ROBO3: variants seen among roughly 807,000 people sequenced by gnomAD.
The protein encoded by ROBO3 is roundabout guidance receptor 3.
A neutral mutation model predicts 160.5 loss-of-function variants in ROBO3; 97 were observed. The ratio of observed to expected loss-of-function variants is 0.60; its 90% CI spans 0.51 to 0.72. The LOEUF (loss-of-function observed/expected upper bound fraction) is 0.72, where lower values mean the gene tolerates loss of function less well. Among genes scored for constraint, ROBO3 ranks in the 30% least tolerant of loss-of-function variants. The pLI is 0.00. For missense variants in ROBO3, 1,858 were observed against 1,846.5 expected, an observed-to-expected ratio of 1.01 and a Z score of -0.11; for synonymous variants, 780 against 746.2, an observed-to-expected ratio of 1.05 and a Z score of -0.74.
At position 124,877,201 on chromosome 11, in the gene ROBO3, C is replaced by A. The variant is rs1327272159; in HGVS notation, c.2803+17C>A. The A allele has an allele frequency of 6.2e-7, 1 of 1,613,960 alleles. No homozygotes were observed. The highest frequency in any genetic ancestry group is 1.7e-5 in the Admixed American group (1 of 60,026). On this transcript the variant is annotated intron_variant, in intron 18 of 27. Transcript: ENST00000397801. ...CACCGGCAGGTAAGCCATCTCTGCC[C>A]CAGTGGGGTTCAGACCCCCCGGGAC...
chr11:124,869,864 C>A lies in ROBO3; in HGVS notation c.646-84C>A. 6.8e-7 allele frequency: 1 copy of A among 1,475,980 alleles called. No individual in the cohort carries two copies. The highest frequency in any genetic ancestry group is 9.3e-7 in the Non-Finnish European group (1 of 1,079,588). 91.4% of individuals were successfully genotyped at this position (1,475,980 alleles called of 1,614,324 possible). ...CTGTGAGGATCAAATAAACTTTATA[C>A]ATATGTATATACACATATATTCACC... On this transcript the variant is annotated intron_variant, in intron 3 of 27. Coordinates refer to ENST00000397801, the MANE Select transcript of ROBO3 (RefSeq NM_022370.4). This position sits in a 1 kb window ranked among gnomAD's most constrained non-coding sequence, Gnocchi z 4.2.
chr11:124,870,696 G>A lies in ROBO3; in HGVS notation c.1001G>A (p.Arg334His), dbSNP rs373820994. 57 of 1,612,342 alleles carry A rather than the reference G, an allele frequency of 3.5e-5. No individual in the cohort carries two copies. Among genetic ancestry groups the A allele is most frequent in the South Asian group, 2.1e-4 (19 of 90,514 alleles). ...TGTGTGGCGGAGAACAGTGTGGGCC[G>A]CGCTGAAGCATCTGGCTCCCTCAGT... ...YTCVAENSVG[R>H]AEASGSLSVH... Residue 334 changes from arginine to histidine, a missense_variant, in exon 6 of 28, where the codon CGC becomes CAC. Arg to His is a conservative substitution (Grantham distance 29, BLOSUM62 0). Transcript: ENST00000397801.
In ROBO3 at chr11:124,876,700, GAGGAGGCC is replaced by G. The variant is rs1946385811; in HGVS notation, c.2779+244_2779+251del. The stretch of plus-strand genomic sequence containing the variant: ...ATGACGTTTGCCTCTAAGACGCCAC[GAGGAGGCC>G]AGGCTTTGCAACCATCTCCATAAAG... On this transcript the variant is annotated intron_variant, in intron 17 of 27. Coordinates refer to ENST00000397801, the MANE Select transcript of ROBO3 (RefSeq NM_022370.4). This position sits in a 1 kb window ranked among gnomAD's most constrained non-coding sequence, Gnocchi z 5.3. 2.4e-6 allele frequency: 1 copy of G among 419,084 alleles called. No homozygotes were observed. Among genetic ancestry groups the G allele is most frequent in the Non-Finnish European group, 4.2e-6 (1 of 238,186 alleles). 26.0% of individuals were successfully genotyped at this position (419,084 alleles called of 1,614,324 possible).
Position 124,876,579 on chromosome 11 carries a change from G to C in ROBO3, c.2779+119G>C. 1 of 848,616 alleles carries C rather than the reference G, an allele frequency of 1.2e-6. No individual in the cohort carries two copies. The highest frequency in any genetic ancestry group is 1.6e-6 in the Non-Finnish European group (1 of 609,664). The allele number at this position is 848,616 out of a possible 1,614,324, so 52.6% of individuals were successfully genotyped here. A position where few individuals can be genotyped will look rare whatever the true frequency, so the allele number is the denominator to read the frequency against. ...GGTCGGGAGAAAGGGGTCGCACCTG[G>C]AGTTCAGCCTCTTGGGTAGGGGCGG... On this transcript the variant is annotated intron_variant, in intron 17 of 27. Transcript: ENST00000397801. The surrounding 1 kb of genome is among the most constrained non-coding windows in gnomAD (Gnocchi z 5.3).
In ROBO3 at chr11:124,867,436, C is replaced by T. The variant is rs144755423; in HGVS notation, c.161-1366C>T. Among the ~76,000 whole-genome samples the T allele has an allele frequency of 2.7e-3, 407 of 152,308 alleles. 4 individuals are homozygous for T. The highest frequency in any genetic ancestry group is 2.3e-3 in the Non-Finnish European group (159 of 68,028). ...AGCGTCAAAGTCTGAGATTCCAGCC[C>T]TGGTTGGTTCAACAGCAACACTTGC... On this transcript the variant is annotated intron_variant, in intron 1 of 27. Transcript: ENST00000397801.
chr11:124,880,779 C>G (rs945645505), intron 27 of ROBO3, among the ~76,000 whole-genome samples, 171 bp downstream of exon 27: 1 of 152,094 alleles, frequency 6.6e-6, no homozygotes, highest in South Asian at 2.1e-4. Flanking sequence ...GGGGACTGAG[C>G]GTGGTGGCTC....
Position 124,879,887 on chromosome 11 carries a change from T to G in ROBO3, c.3897T>G (p.Ser1299Arg). The change falls in exon 26 of 28, where the codon AGT becomes AGG. Residue 1299 changes from serine (S) to arginine (R), a missense_variant. Ser to Arg is a moderately radical substitution (Grantham distance 110, BLOSUM62 -1). Coordinates refer to ENST00000397801, the MANE Select transcript of ROBO3 (RefSeq NM_022370.4). ...TGTCCTCCCTGGAGCGGGAGCGCAG[T>G]GGGGAGAGGAAAGCGGTCCAGGCCG... Reference protein sequence around the residue: ...GSMSSLERERSGERKAVQAVP... With the variant: ...GSMSSLERERRGERKAVQAVP... The G allele has an allele frequency of 6.2e-7, 1 of 1,611,812 alleles. No homozygotes were observed. The highest frequency in any genetic ancestry group is 8.5e-7 in the Non-Finnish European group (1 of 1,179,264).
rs760844386 is a variant in ROBO3, at chr11:124,877,256, A to G, written c.2804-11A>G. 6.8e-6 allele frequency: 11 copies of G among 1,613,084 alleles called. No individual in the cohort carries two copies. The African/African-American group carries it at 1.1e-4, about 16-fold the overall frequency. ...CCTTCTCTCACTCATTCGCCCCCTC[A>G]TTTTCCCCAGTGTCCTTCCCGCACT... On this transcript the variant is annotated splice_polypyrimidine_tract_variant and intron_variant, in intron 18 of 27. Coordinates refer to ENST00000397801, the MANE Select transcript of ROBO3 (RefSeq NM_022370.4).
At position 124,878,465 on chromosome 11, in the gene ROBO3, C is replaced by T; in HGVS notation, c.3320+29C>T. On this transcript the variant is annotated intron_variant, in intron 22 of 27. Transcript: ENST00000397801. This position sits in a 1 kb window ranked among gnomAD's most constrained non-coding sequence, Gnocchi z 4.3. ...GAGATGCTCCCTGCTTCCAGGCCCACACACCTGCGGCCAGACCATGGGCTG... is the reference window on the plus strand; with the variant it reads ...GAGATGCTCCCTGCTTCCAGGCCCATACACCTGCGGCCAGACCATGGGCTG... The T allele has an allele frequency of 1.9e-6, 3 of 1,609,238 alleles. No individual in the cohort carries two copies. Among genetic ancestry groups the T allele is most frequent in the Non-Finnish European group, 2.5e-6 (3 of 1,176,984 alleles).
Position 124,874,214 on chromosome 11 carries a change from C to T in ROBO3, c.1929C>T (p.Val643=), listed in dbSNP as rs772898194. 6.2e-7 allele frequency: 1 copy of T among 1,613,842 alleles called. No individual in the cohort carries two copies. The highest frequency in any genetic ancestry group is 8.5e-7 in the Non-Finnish European group (1 of 1,179,814). ...GAWGLSEPSP[V]SEPVRTQDSS... ...GGGGCCTCAGTGAGCCCAGCCCCGT[C>T]TCTGAGCCTGTCCGTACACAGGGTA... is the stretch of plus-strand genomic sequence containing the variant. Residue 643 remains valine (V), a synonymous_variant, in exon 12 of 28, where the codon GTC becomes GTT. Transcript: ENST00000397801.
At position 124,874,113 on chromosome 11, in the gene ROBO3, C is replaced by T; in HGVS notation, c.1828C>T (p.Gln610Ter). ...ATGGCGTACTGTGGCAGATGGCGTG[C>T]AGCTGGAGACACACACAGTCAGCGG... ...NTWRTVADGV[Q>*]LETHTVSGLQ... Residue 610 changes from glutamine to a stop codon, truncating the protein, a stop_gained, in exon 12 of 28, where the codon CAG becomes TAG. Transcript: ENST00000397801. LOFTEE classifies it high-confidence loss of function. 2 of 1,613,982 alleles carry T rather than the reference C, an allele frequency of 1.2e-6. No individual in the cohort carries two copies. The highest frequency in any genetic ancestry group is 1.7e-6 in the Non-Finnish European group (2 of 1,179,888).
intron 13 of ROBO3, 94 bp from the exon 14 acceptor site, chr11:124,875,017 G>A (rs2135332623): frequency 6.6e-7 from 1 of 1,513,088 alleles, no homozygotes; most frequent in Non-Finnish European, 8.9e-7. Context: ...GGGGAAGGCG[G>A]CATGAGTGGG....
Position 124,870,892 on chromosome 11 carries a change from G to A in ROBO3, c.1034-122G>A, listed in dbSNP as rs1332776475. ...AGGAGAACACTAAACAGGCCGGGAGGAAGAGATGGATATCTGCTCCTGTAC... is the reference window on the plus strand; with the variant it reads ...AGGAGAACACTAAACAGGCCGGGAGAAAGAGATGGATATCTGCTCCTGTAC... On this transcript the variant is annotated intron_variant, in intron 6 of 27. Coordinates refer to ENST00000397801, the MANE Select transcript of ROBO3 (RefSeq NM_022370.4). 5 of 1,518,408 alleles carry A rather than the reference G, an allele frequency of 3.3e-6. No individual in the cohort carries two copies. In the African/African-American group the frequency reaches 6.9e-5, roughly 21 times the overall value. The allele number at this position is 1,518,408 out of a possible 1,614,324, so 94.1% of individuals were successfully genotyped here.
rs1476178283 is a variant in ROBO3, at chr11:124,880,586, G to T, written c.4127G>T (p.Arg1376Met). ...SRSQSRSQSQ[R>M]PGQKRREEPR ...AGTCAGAGCCGGAGCCAGAGCCAAA[G>T]GCCAGGACAGAAACGCCGAGAGGTA... Residue 1376 changes from arginine to methionine, a missense_variant, in exon 27 of 28, where the codon AGG (arginine) becomes ATG (methionine). Arg to Met is a moderately conservative substitution (Grantham distance 91). Transcript: ENST00000397801. 1.3e-6 allele frequency: 2 copies of T among 1,549,696 alleles called. No individual in the cohort carries two copies. The highest frequency in any genetic ancestry group is 1.7e-6 in the Non-Finnish European group (2 of 1,146,616).
intron 1 of ROBO3, among the ~76,000 whole-genome samples, chr11:124,866,742 A>AG (rs1946202169): frequency 6.6e-6 from 1 of 152,246 alleles, no homozygotes; most frequent in Admixed American, 6.5e-5. Flanking sequence ...GGAAGGGTAG[A>AG]GGGGGAAATT....
At chr11:124,874,367 G>C (rs889263280) in intron 12 of ROBO3, 131 bp downstream of exon 12, 1 of 820,936 alleles carries the variant, frequency 1.2e-6, no homozygotes, top group Non-Finnish European at 1.8e-6. Flanking sequence ...CTGGTGGCCC[G>C]GCCTGGAATA....
Position 124,877,979 on chromosome 11 carries a change from C to T in ROBO3, c.3029C>T (p.Thr1010Met), listed in dbSNP as rs1946443578. 6.2e-7 allele frequency: 1 copy of T among 1,610,410 alleles called. No homozygotes were observed. Among genetic ancestry groups the T allele is most frequent in the Non-Finnish European group, 8.5e-7 (1 of 1,178,382 alleles). Reference sequence around the variant, plus strand: ...TATCTAGCTCAGACGGCCAGGGGCACGGCCGCCCCTGGCGAGGGTCCTGTC... The same window carrying T: ...TATCTAGCTCAGACGGCCAGGGGCATGGCCGCCCCTGGCGAGGGTCCTGTC... ...SLYLAQTARG[T>M]AAPGEGPVYS... The change falls in exon 21 of 28, where the codon ACG becomes ATG. Residue 1010 changes from threonine to methionine, a missense_variant. Coordinates refer to ENST00000397801, the MANE Select transcript of ROBO3 (RefSeq NM_022370.4).
intron 26 of ROBO3, 110 bp downstream of exon 26, chr11:124,880,058 C>T: frequency 2.7e-6 from 3 of 1,102,832 alleles, no homozygotes; most frequent in East Asian, 2.6e-5. Context: ...TAGGTTCATG[C>T]ATTTGATCCA....
At position 124,876,119 on chromosome 11, in the gene ROBO3, C is replaced by T. The variant is rs1409634178; in HGVS notation, c.2587C>T (p.Gln863Ter). The change falls in exon 16 of 28, where the codon CAG (glutamine) becomes TAG (stop). Residue 863 changes from glutamine (Q) to a stop codon, truncating the protein, a stop_gained. Coordinates refer to ENST00000397801, the MANE Select transcript of ROBO3 (RefSeq NM_022370.4). LOFTEE classifies it high-confidence loss of function. The surrounding 1 kb of genome is among the most constrained non-coding windows in gnomAD (Gnocchi z 5.3). ...VGVPSAPVLV[Q>*]LPSPPDLEPG... ...CGTGCCCAGTGCCCCAGTGCTGGTG[C>T]AGCTGCGTGAGTCCACCCGAGGGCA... 1.2e-6 allele frequency: 2 copies of T among 1,600,334 alleles called. No individual in the cohort carries two copies. The highest frequency in any genetic ancestry group is 4.5e-5 in the East Asian group (2 of 44,750).
Sources: gnomAD v4.1 joint callset for allele counts (sites outside exome capture counted in the v4.1 genomes callset) on GRCh38, gnomAD v4.1.1 for gene constraint, Gnocchi (gnomAD v3.1) non-coding constraint, MANE v1.5 for transcripts, NCBI Gene and HGNC (gene_info 2026-07-23, HGNC 2026-07-21) for gene names.